CCNF: variants seen among roughly 807,000 people sequenced by gnomAD.
CCNF encodes the protein cyclin F.
Under a neutral mutation model 85.4 loss-of-function variants are expected in CCNF, and 30 were observed. The observed-to-expected ratio is 0.35, with a 90% CI of 0.26 to 0.48. The LOEUF is 0.48. Ranked by LOEUF, CCNF falls within the 20% of genes least tolerant of loss-of-function variation. The pLI, the probability that CCNF is intolerant of heterozygous loss-of-function variation, is 0.99. For missense variants in CCNF, 919 were observed against 1,010.4 expected (o/e 0.91, Z 1.23); for synonymous variants, 439 against 425.1 (o/e 1.03, Z -0.40).
At chr16:2,450,468 G>A (rs1049580934) in intron 13 of CCNF, among the ~76,000 whole-genome samples, 13 of 150,286 alleles carry the variant, frequency 8.7e-5, no homozygotes, top group African/African-American at 1.7e-4. Flanking sequence ...CCGAGATTGC[G>A]CCATTGCACT....
In CCNF at chr16:2,457,061, G is replaced by T. The variant is rs2065433503; in HGVS notation, c.*41G>T. On this transcript the variant is annotated 3_prime_UTR_variant, in exon 17 of 17. Transcript: ENST00000397066. Reference sequence around the variant, plus strand: ...TGCCGCAGTGGATGTGTACTGAGGGGGCTGGAGGCGAAGGGTGGGAGCATA... The same window carrying T: ...TGCCGCAGTGGATGTGTACTGAGGGTGCTGGAGGCGAAGGGTGGGAGCATA... The T allele has an allele frequency of 1.4e-6, 2 of 1,436,266 alleles. No individual in the cohort carries two copies. The highest frequency in any genetic ancestry group is 1.8e-4 in the Middle Eastern group (1 of 5,552). 89.0% of individuals were successfully genotyped at this position (1,436,266 alleles called of 1,614,324 possible).
intron 11 of CCNF, 86 bp downstream of exon 11, chr16:2,449,064 G>A (rs758799525): frequency 3.8e-6 from 6 of 1,561,282 alleles, no homozygotes; most frequent in East Asian, 2.2e-5. Flanking sequence ...CCTGCTGTGG[G>A]AGGGCCTCAT....
In CCNF at chr16:2,453,223, G is replaced by T. The variant is rs1428900926; in HGVS notation, c.1501G>T (p.Ala501Ser). The T allele has an allele frequency of 1.2e-6, 2 of 1,613,502 alleles. No individual in the cohort carries two copies. The highest frequency in any genetic ancestry group is 1.3e-5 in the African/African-American group (1 of 74,872). The change falls in exon 14 of 17, where the codon GCC becomes TCC. Residue 501 changes from alanine (A) to serine (S), a missense_variant. Ala to Ser is a moderately conservative substitution (Grantham distance 99). Coordinates refer to ENST00000397066, the MANE Select transcript of CCNF (RefSeq NM_001761.3). This position sits in a 1 kb window ranked among gnomAD's most constrained non-coding sequence, Gnocchi z 5.6. ...CTCTGTTTCCAGCTTCCATGATGACGCCCCCAAGGACTACAGGCAAGTCTC... is the reference window on the plus strand; with the variant it reads ...CTCTGTTTCCAGCTTCCATGATGACTCCCCCAAGGACTACAGGCAAGTCTC... ...SLHKKCFHDD[A>S]PKDYRQVSLT... is the part of the protein sequence containing the mutation.
chr16:2,442,163 C>T (rs1195853532), intron 8 of CCNF, among the ~76,000 whole-genome samples: 2 of 144,024 alleles, frequency 1.4e-5, no homozygotes, highest in Admixed American at 7.3e-5. Context: ...TGCACCACCA[C>T]GCCCAGCTAA....
At position 2,443,771 on chromosome 16, in the gene CCNF, C is replaced by T. The variant is rs543971984; in HGVS notation, c.900C>T (p.Ser300=). ...CTGTCAGTAAACAACAAGTCTTCTC[C>T]GTGCAGAAGGGACTCAATGACACAA... is the stretch of plus-strand genomic sequence containing the variant. ...SQAVSKQQVF[S]VQKGLNDTMR... Residue 300 remains serine (S), a synonymous_variant, in exon 9 of 17, where the codon TCC becomes TCT. Coordinates refer to ENST00000397066, the MANE Select transcript of CCNF (RefSeq NM_001761.3). 30 of 1,614,128 alleles carry T rather than the reference C, an allele frequency of 1.9e-5. No individual in the cohort carries two copies. Among genetic ancestry groups the T allele is most frequent in the Middle Eastern group, 1.7e-4 (1 of 6,056 alleles).
At chr16:2,431,448 G>T (rs113037686) in intron 2 of CCNF, among the ~76,000 whole-genome samples, 164 bp downstream of exon 2, 36 of 152,214 alleles carry the variant, frequency 2.4e-4, no homozygotes, top group African/African-American at 7.9e-4. Context: ...GAGGCCGAAG[G>T]GGGGTGGATC....
intron 4 of CCNF, 150 bp from the exon 5 acceptor site, chr16:2,436,979 C>T: frequency 1.8e-6 from 1 of 553,148 alleles, no homozygotes; most frequent in Non-Finnish European, 3.1e-6. Context: ...GACAGGTGCC[C>T]CCATCCTGGA....
Position 2,431,208 on chromosome 16 carries a change from T to C in CCNF, c.95T>C (p.Ile32Thr). 3 of 1,614,178 alleles carry C rather than the reference T, an allele frequency of 1.9e-6. No homozygotes were observed. The highest frequency in any genetic ancestry group is 2.5e-6 in the Non-Finnish European group (3 of 1,180,032). Residue 32 changes from isoleucine (I) to threonine (T), a missense_variant, in exon 2 of 17, where the codon ATC becomes ACC. By Grantham distance (89) the Ile-to-Thr change is moderately conservative. This residue lies in a region of CCNF where 410 missense variants were observed against 478.6 expected (regional missense o/e 0.86). Transcript: ENST00000397066. ...AGGAGGAGGCCCCGAAACCTGACCA[T>C]CTTGAGTCTCCCCGAAGATGTGCTC... ...RIRRRPRNLT[I>T]LSLPEDVLFH... is the part of the protein sequence containing the mutation.
At chr16:2,445,274 C>T in intron 9 of CCNF, 184 bp from the exon 10 acceptor site, 1 of 641,714 alleles carries the variant, frequency 1.6e-6, no homozygotes, top group Non-Finnish European at 2.7e-6. Context: ...TGCTTTGGGG[C>T]TGGGACCCAC....
intron 8 of CCNF, among the ~76,000 whole-genome samples, chr16:2,442,326 T>C: frequency 7.6e-6 from 1 of 131,792 alleles, no homozygotes; most frequent in Non-Finnish European, 1.5e-5. Flanking sequence ...ATATATATAA[T>C]ATCCATAATT....
intron 3 of CCNF, among the ~76,000 whole-genome samples, chr16:2,434,404 A>G (rs1567382666): frequency 6.6e-6 from 1 of 152,160 alleles, no homozygotes; most frequent in African/African-American, 2.4e-5. Flanking sequence ...CACGAGGTCA[A>G]GAGTTTGAGA....
chr16:2,447,088 C>T (rs1277472358), intron 10 of CCNF, among the ~76,000 whole-genome samples: 1 of 152,182 alleles, frequency 6.6e-6, no homozygotes, highest in Non-Finnish European at 1.5e-5. Context: ...CTCCCTGGAT[C>T]TGACTGCACA....
At chr16:2,436,815 C>T (rs1030158153) in intron 4 of CCNF, 100 of 224,786 alleles carry the variant, frequency 4.4e-4, no homozygotes, top group Non-Finnish European at 2.1e-4. Flanking sequence ...AGGGGTCAGG[C>T]GGTGGTTCCC....
chr16:2,440,619 G>A (rs2065316085), intron 8 of CCNF, among the ~76,000 whole-genome samples: 1 of 152,048 alleles, frequency 6.6e-6, no homozygotes, highest in South Asian at 2.1e-4. Context: ...TTGTCAGGAC[G>A]AATCAAAGAA....
intron 13 of CCNF, among the ~76,000 whole-genome samples, chr16:2,450,383 C>T (rs1372817361): frequency 1.8e-4 from 27 of 146,800 alleles, no homozygotes; most frequent in African/African-American, 3.6e-4. Context: ...TGGTGGCATG[C>T]GCCTGCAATC....
At chr16:2,445,700 T>C in intron 10 of CCNF, 78 bp downstream of exon 10, 1 of 1,258,612 alleles carries the variant, frequency 7.9e-7, no homozygotes, top group Non-Finnish European at 1.1e-6. Context: ...CTTCATGTGC[T>C]CCTCACTGGT....
chr16:2,441,990 T>G (rs1019409021), intron 8 of CCNF, among the ~76,000 whole-genome samples: 33 of 132,580 alleles, frequency 2.5e-4, no homozygotes, highest in African/African-American at 8.6e-4. Context: ...TATGTTTTTG[T>G]TTTTGTTTTG....
At chr16:2,437,366 G>T in intron 5 of CCNF, 44 bp downstream of exon 5, 1 of 1,448,512 alleles carries the variant, frequency 6.9e-7, no homozygotes, top group South Asian at 1.3e-5. Context: ...CACCTGCAGG[G>T]TCCCAGGACA....
intron 3 of CCNF, among the ~76,000 whole-genome samples, chr16:2,434,320 AATAAT>A (rs2065276921): frequency 6.7e-6 from 1 of 148,812 alleles, no homozygotes; most frequent in Admixed American, 6.7e-5. Context: ...ATAATAATAA[AATAAT>A]AAAATATGGC....
Sources: allele counts gnomAD v4.1 joint callset (sites outside exome capture counted in the v4.1 genomes callset), GRCh38; gene constraint gnomAD v4.1.1; regional missense constraint gnomAD v4.1.1; non-coding constraint Gnocchi (gnomAD v3.1); transcripts MANE v1.5; gene names NCBI Gene and HGNC (gene_info 2026-07-23, HGNC 2026-07-21).